The following DCTPP1 variants were observed in gnomAD, a reference collection of about 807,000 sequenced individuals.
DCTPP1 encodes XTP3-transactivated gene A protein.
Under a neutral mutation model 8.8 loss-of-function variants are expected in DCTPP1, and 8 were observed. That is an observed-to-expected ratio of 0.91 (90% confidence interval 0.54 to 1.64). DCTPP1 has a LOEUF of 1.64. DCTPP1 is among the 40% of genes most tolerant of loss of function. The pLI, the probability that DCTPP1 is intolerant of heterozygous loss-of-function variation, is 0.00. For missense variants in DCTPP1, 231 were observed against 230.4 expected (o/e 1.00, Z -0.02); for synonymous variants, 85 against 92.1 (o/e 0.92, Z 0.44).
At chr16:30,428,884 C>CT (rs1230084379) in intron 2 of DCTPP1, 173 bp downstream of exon 2, 2 of 585,630 alleles carry the variant, frequency 3.4e-6, no homozygotes, top group Non-Finnish European at 5.8e-6. Context: ...TTCCAGGAGG[C>CT]TGAGTGCCCC....
chr16:30,429,652 G>T (rs1229799275), intron 1 of DCTPP1: 4 of 521,244 alleles, frequency 7.7e-6, no homozygotes, highest in East Asian at 7.0e-5. Context: ...TAGGCTGAAG[G>T]GCGTTCCTAG....
rs769498113 is a variant in DCTPP1, at chr16:30,430,006, C to T, written c.-26G>A. 4.1e-6 allele frequency: 6 copies of T among 1,454,196 alleles called. No homozygotes were observed. The highest frequency in any genetic ancestry group is 5.4e-6 in the Non-Finnish European group (6 of 1,101,600). The allele number at this position is 1,454,196 out of a possible 1,614,324, so 90.1% of individuals were successfully genotyped here. A position where few individuals can be genotyped will look rare whatever the true frequency, so the allele number is the denominator to read the frequency against. ...GCCGCCCACCGCTGCACCGCGACTT[C>T]ACGGAAAACCCACGAGCCACGCTCG... On this transcript the variant is annotated 5_prime_UTR_variant, in exon 1 of 3. Coordinates refer to ENST00000319285, the MANE Select transcript of DCTPP1 (RefSeq NM_024096.2).
chr16:30,426,596 T>G (rs573148144), intron 2 of DCTPP1, among the ~76,000 whole-genome samples: 3 of 151,134 alleles, frequency 2.0e-5, no homozygotes, highest in Non-Finnish European at 1.5e-5. Context: ...CTCAGCCTCC[T>G]GAGTAGCTGT....
At chr16:30,427,984 G>A (rs1287513672) in intron 2 of DCTPP1, among the ~76,000 whole-genome samples, 1 of 152,156 alleles carries the variant, frequency 6.6e-6, no homozygotes, top group East Asian at 1.9e-4. Context: ...AACAGAGTGA[G>A]ACCTTTTCTC....
chr16:30,428,997 A>G, intron 2 of DCTPP1, 60 bp downstream of exon 2: 1 of 1,500,568 alleles, frequency 6.7e-7, no homozygotes, highest in East Asian at 2.3e-5. Context: ...AGACCAAATA[A>G]ATGCTCCCCT....
Position 30,424,137 on chromosome 16 carries a change from T to G in DCTPP1, c.*96A>C. 1 of 1,432,516 alleles carries G rather than the reference T, an allele frequency of 7.0e-7. No homozygotes were observed. The highest frequency in any genetic ancestry group is 9.3e-7 in the Non-Finnish European group (1 of 1,073,436). 88.7% of individuals were successfully genotyped at this position (1,432,516 alleles called of 1,614,324 possible). ...TCAAGAAGTGGAGGCCTCAGGCCCA[T>G]GATCTATTCTGAAAAGACTAGAAAA... On this transcript the variant is annotated 3_prime_UTR_variant, in exon 3 of 3. Transcript: ENST00000319285.
chr16:30,423,938 A>G lies in DCTPP1; in HGVS notation c.*295T>C. 2.7e-6 allele frequency: 1 copy of G among 375,060 alleles called. No homozygotes were observed. The highest frequency in any genetic ancestry group is 4.8e-6 in the Non-Finnish European group (1 of 206,682). The allele number at this position is 375,060 out of a possible 1,614,324, so 23.2% of individuals were successfully genotyped here. Reference sequence around the variant, plus strand: ...CTGCCCTGCAGGCAAAAGGTACAACAGGGAAACACGAGAATGGGTCTCAGA... The same window carrying G: ...CTGCCCTGCAGGCAAAAGGTACAACGGGGAAACACGAGAATGGGTCTCAGA... On this transcript the variant is annotated 3_prime_UTR_variant, in exon 3 of 3. Coordinates refer to ENST00000319285, the MANE Select transcript of DCTPP1 (RefSeq NM_024096.2).
At position 30,424,467 on chromosome 16, in the gene DCTPP1, T is replaced by C. The variant is rs753978195; in HGVS notation, c.279A>G (p.Gln93=). 4.3e-6 allele frequency: 7 copies of C among 1,614,192 alleles called. No individual in the cohort carries two copies. The highest frequency in any genetic ancestry group is 5.9e-6 in the Non-Finnish European group (7 of 1,180,032). ...AGATGAGGACGTCACTAAGCTCCTC[T>C]TGAAGGGCTGCCCGTTCCCTGGGGG... ...GWSPRERAAL[Q]EELSDVLIYL... is the part of the protein sequence containing the mutation. The change falls in exon 3 of 3, where the codon CAA becomes CAG. Residue 93 remains glutamine, a synonymous_variant. Coordinates refer to ENST00000319285, the MANE Select transcript of DCTPP1 (RefSeq NM_024096.2).
intron 2 of DCTPP1, among the ~76,000 whole-genome samples, chr16:30,426,841 A>T (rs2050197372): frequency 6.6e-6 from 1 of 151,776 alleles, no homozygotes. Context: ...CTGGGACTAC[A>T]GGGGTGTGCC....
Position 30,424,928 on chromosome 16 carries a change from G to A in DCTPP1, c.213-395C>T, listed in dbSNP as rs2050184575. Among the ~76,000 whole-genome samples, 2 of 152,324 alleles carry A rather than the reference G, an allele frequency of 1.3e-5. 1 individual carries two copies. The highest frequency in any genetic ancestry group is 6.8e-3 in the Middle Eastern group (2 of 294). ...AGACGGAGTCTCGCTCTGTCGCCCA[G>A]GCTGGAGTGGAGTGCAATGGGGCGA... On this transcript the variant is annotated intron_variant, in intron 2 of 2. Coordinates refer to ENST00000319285, the MANE Select transcript of DCTPP1 (RefSeq NM_024096.2).
intron 2 of DCTPP1, among the ~76,000 whole-genome samples, chr16:30,428,479 G>C (rs2050206437): frequency 1.3e-5 from 2 of 152,166 alleles, no homozygotes; most frequent in Admixed American, 1.3e-4. Flanking sequence ...CAGAGGAAAA[G>C]GGTTGTTGGG....
chr16:30,424,378 T>C lies in DCTPP1; in HGVS notation c.368A>G (p.Asp123Gly). ...GGCTGGGTAGCGTCGCCGGTTGATG[T>C]CCATTTTGGAGAGCACTGCTAGCGG... is the stretch of plus-strand genomic sequence containing the variant. ...DLPLAVLSKMDINRRRYPAHL... is the reference protein window; with the variant it reads ...DLPLAVLSKMGINRRRYPAHL... Residue 123 changes from aspartate (D) to glycine (G), a missense_variant, in exon 3 of 3, where the codon GAC becomes GGC. Transcript: ENST00000319285. 6.2e-7 allele frequency: 1 copy of C among 1,614,152 alleles called. No individual in the cohort carries two copies. Among genetic ancestry groups the C allele is most frequent in the East Asian group, 2.2e-5 (1 of 44,878 alleles).
chr16:30,427,671 G>A (rs1454388227), intron 2 of DCTPP1, among the ~76,000 whole-genome samples: 1 of 152,160 alleles, frequency 6.6e-6, no homozygotes, highest in Non-Finnish European at 1.5e-5. Context: ...CTCAATTCTA[G>A]AAGACCTAGC....
intron 2 of DCTPP1, among the ~76,000 whole-genome samples, chr16:30,425,366 A>G (rs1567444688): frequency 1.3e-5 from 2 of 152,022 alleles, no homozygotes; most frequent in Non-Finnish European, 2.9e-5. Flanking sequence ...GTGGGCACCT[A>G]TAATCCCAGG....
At chr16:30,427,872 ACGCCT>A (rs2050202974) in intron 2 of DCTPP1, among the ~76,000 whole-genome samples, 1 of 152,124 alleles carries the variant, frequency 6.6e-6, no homozygotes, top group Non-Finnish European at 1.5e-5. Flanking sequence ...GTGGTGGCGC[ACGCCT>A]GTAGACCCAG....
intron 2 of DCTPP1, 92 bp from the exon 3 acceptor site, chr16:30,424,625 G>A (rs1298589352): frequency 4.0e-6 from 6 of 1,497,522 alleles, no homozygotes; most frequent in African/African-American, 2.8e-5. Flanking sequence ...CACCTCCAAG[G>A]ACGACCTAAC....
chr16:30,429,125 TTCCCAGTCTCGTTCC>T lies in DCTPP1; in HGVS notation c.129_143del (p.Glu44_Glu48del). On this transcript the variant is annotated inframe_deletion, in exon 2 of 3. Coordinates refer to ENST00000319285, the MANE Select transcript of DCTPP1 (RefSeq NM_024096.2). ...GGAGATTCCGAGGCTGATGGAACTG[TTCCCAGTCTCGTTCC>T]GCAGCAAACTCAGCATGGAGGCGGC... is the stretch of plus-strand genomic sequence containing the variant. 6.2e-7 allele frequency: 1 copy of T among 1,613,984 alleles called. No homozygotes were observed. The highest frequency in any genetic ancestry group is 1.6e-4 in the Middle Eastern group (1 of 6,062).
Position 30,424,218 on chromosome 16 carries a change from C to G in DCTPP1, c.*15G>C. 1.2e-6 allele frequency: 2 copies of G among 1,611,558 alleles called. No homozygotes were observed. The highest frequency in any genetic ancestry group is 1.7e-6 in the Non-Finnish European group (2 of 1,178,242). On this transcript the variant is annotated 3_prime_UTR_variant, in exon 3 of 3. Coordinates refer to ENST00000319285, the MANE Select transcript of DCTPP1 (RefSeq NM_024096.2). ...TCAGACACCACCCTGAGTTGCAAGT[C>G]CTGTGGCCATCTTTCTAGGTTGAGG... is the stretch of plus-strand genomic sequence containing the variant.
chr16:30,429,045 C>T lies in DCTPP1; in HGVS notation c.212+12G>A. The T allele has an allele frequency of 1.2e-6, 2 of 1,611,676 alleles. No individual in the cohort carries two copies. On this transcript the variant is annotated intron_variant, in intron 2 of 2. Transcript: ENST00000319285. ...AACTCAGACTCTACCAGGAAGCTTT[C>T]CATCTACTCACAAGAGTTCTGCCAG...
Sources: gnomAD v4.1 joint callset for allele counts (sites outside exome capture counted in the v4.1 genomes callset) on GRCh38, gnomAD v4.1.1 for gene constraint, MANE v1.5 for transcripts, NCBI Gene and HGNC (gene_info 2026-07-23, HGNC 2026-07-21) for gene names.